The following PDXDC1 variants were observed in gnomAD, a reference collection of about 807,000 sequenced individuals.
PDXDC1 encodes the protein pyridoxal-dependent decarboxylase domain-containing protein 1.
In PDXDC1, 42 loss-of-function variants were observed where a neutral mutation model predicts 100.1. The ratio of observed to expected loss-of-function variants is 0.42; its 90% CI spans 0.33 to 0.54. The LOEUF (loss-of-function observed/expected upper bound fraction) is 0.54, where lower values mean the gene tolerates loss of function less well. PDXDC1 is among the 20% of genes least tolerant of loss of function. The pLI is 0.10. For synonymous variants in PDXDC1, 260 were observed against 371.7 expected (o/e 0.70, Z 3.46); for missense variants, 636 against 979.2 (o/e 0.65, Z 4.68).
In PDXDC1 at chr16:14,975,127, T is replaced by A; in HGVS notation, c.-73T>A. On this transcript the variant is annotated 5_prime_UTR_variant, in exon 1 of 23. Coordinates refer to ENST00000396410, the MANE Select transcript of PDXDC1 (RefSeq NM_015027.4). ...GCGGGGGACGTCAGCGCTGCCAGCG[T>A]GGAAGGAGCTGCGGGGCGCGGGAGG... The A allele has an allele frequency of 6.8e-7, 1 of 1,470,426 alleles. No homozygotes were observed. The highest frequency in any genetic ancestry group is 8.9e-7 in the Non-Finnish European group (1 of 1,121,200). The allele number at this position is 1,470,426 out of a possible 1,614,324, so 91.1% of individuals were successfully genotyped here.
At chr16:15,085,242 T>C (rs556523352) in intron 16 of PDXDC1, among the ~76,000 whole-genome samples, 7 of 152,340 alleles carry the variant, frequency 4.6e-5, no homozygotes, top group Admixed American at 6.5e-5. Context: ...ATATCAATGG[T>C]AAATATAACA....
intron 8 of PDXDC1, among the ~76,000 whole-genome samples, chr16:15,013,486 T>A (rs1446243950): frequency 1.3e-5 from 2 of 152,226 alleles, no homozygotes; most frequent in Admixed American, 6.5e-5. Flanking sequence ...ATGGAAGTAT[T>A]CTGAATCTTG....
chr16:15,083,419 A>C, intron 16 of PDXDC1: 6 of 1,547,218 alleles, frequency 3.9e-6, no homozygotes, highest in East Asian at 2.3e-5. Flanking sequence ...AAGAAAAAGA[A>C]AGACTGGAAA....
At chr16:15,001,208 G>T (rs1194421329) in intron 3 of PDXDC1, among the ~76,000 whole-genome samples, 1 of 152,210 alleles carries the variant, frequency 6.6e-6, no homozygotes, top group East Asian at 1.9e-4. Flanking sequence ...TAAAAAAACG[G>T]CTGGGCGTGG....
chr16:15,072,899 T>G, intron 16 of PDXDC1: 1 of 1,595,786 alleles, frequency 6.3e-7, no homozygotes, highest in Admixed American at 1.8e-5. Flanking sequence ...GGGAAAATTT[T>G]TGGGCAAAAA....
chr16:15,042,185 CTTTT>C (rs34790085), downstream of PDXDC1, among the ~76,000 whole-genome samples: 6 of 135,566 alleles, frequency 4.4e-5, no homozygotes, highest in Admixed American at 7.6e-5. Context: ...AATTTTATAT[CTTTT>C]TTTTTTTTTT....
chr16:15,101,936 C>T (rs1164514622), intron 16 of PDXDC1, among the ~76,000 whole-genome samples: 3 of 152,138 alleles, frequency 2.0e-5, no homozygotes, highest in Admixed American at 1.3e-4. Flanking sequence ...GCAACCTCCA[C>T]CTCCTGGGTT....
intron 16 of PDXDC1, chr16:15,080,243 T>C: frequency 9.0e-7 from 1 of 1,106,442 alleles, no homozygotes; most frequent in Non-Finnish European, 1.2e-6. Flanking sequence ...ACTATACTGT[T>C]TCTACATGTA....
chr16:15,092,281 G>A (rs555138160), intron 16 of PDXDC1, among the ~76,000 whole-genome samples: 1 of 152,204 alleles, frequency 6.6e-6, no homozygotes, highest in African/African-American at 2.4e-5. Context: ...TGAAACCTCA[G>A]TAAAGACATT....
chr16:15,021,166 T>C (rs5029894), intron 12 of PDXDC1, among the ~76,000 whole-genome samples: 4,876 of 145,498 alleles, frequency 0.034, 27 homozygotes, highest in African/African-American at 0.066. Flanking sequence ...CACTTAAACC[T>C]CAGAGTTCAA....
intron 16 of PDXDC1, chr16:15,094,369 T>C: frequency 1.3e-6 from 1 of 790,440 alleles, no homozygotes; most frequent in Non-Finnish European, 2.1e-6. Flanking sequence ...GGGCGTATGC[T>C]CTCGGCGGGC....
chr16:15,055,725 G>T (rs1007790657), intron 16 of PDXDC1: 6 of 387,384 alleles, frequency 1.5e-5, no homozygotes, highest in African/African-American at 1.3e-4. Flanking sequence ...TCTAAAGAAG[G>T]CAAAAACTCC....
rs779272355 is a variant in PDXDC1, at chr16:15,034,309, G to A, written c.1836G>A (p.Val612=). 1 of 1,613,128 alleles carries A rather than the reference G, an allele frequency of 6.2e-7. No homozygotes were observed. The highest frequency in any genetic ancestry group is 1.7e-5 in the Admixed American group (1 of 59,992). ...AGCTTCTGGAAAACATGACAGAAGT[G>A]GTTCGGAAAGGCATTCAGGAAGCTC... is the stretch of plus-strand genomic sequence containing the variant. ...NSRLLENMTE[V]VRKGIQEAQV... Residue 612 remains valine, a synonymous_variant, in exon 20 of 23, where the codon GTG becomes GTA. Coordinates refer to ENST00000396410, the MANE Select transcript of PDXDC1 (RefSeq NM_015027.4).
chr16:15,032,168 G>A, intron 17 of PDXDC1: 1 of 512,344 alleles, frequency 2.0e-6, no homozygotes, highest in Non-Finnish European at 3.5e-6. Flanking sequence ...GATGCCAACA[G>A]GTATATATCA....
intron 13 of PDXDC1, among the ~76,000 whole-genome samples, chr16:15,023,067 C>T (rs1030471696): frequency 6.6e-6 from 1 of 152,248 alleles, no homozygotes; most frequent in Non-Finnish European, 1.5e-5. Context: ...TTCAGCTGCC[C>T]AAGGCCTTGG....
intron 16 of PDXDC1, among the ~76,000 whole-genome samples, chr16:15,068,645 C>A (rs1051926770): frequency 6.6e-6 from 1 of 152,194 alleles, no homozygotes; most frequent in South Asian, 2.1e-4. Flanking sequence ...GGCAACAAAA[C>A]AAAACAGCAA....
intron 16 of PDXDC1, chr16:15,125,781 A>C (rs2047680677): frequency 6.8e-7 from 1 of 1,479,742 alleles, no homozygotes; most frequent in South Asian, 1.1e-5. Flanking sequence ...GCTGCCCGGC[A>C]GGTGTGGGGC....
intron 5 of PDXDC1, 30 bp downstream of exon 5, chr16:15,004,363 CT>C (rs563744489): frequency 1.3e-3 from 2,104 of 1,611,504 alleles, no homozygotes; most frequent in Middle Eastern, 5.8e-3. Context: ...CCAGTGAAGA[CT>C]TTTATGAGTC....
At chr16:15,039,991 G>GC (rs1462033416), downstream of PDXDC1, 3 of 1,605,552 alleles carry the variant, frequency 1.9e-6, no homozygotes, top group Non-Finnish European at 2.6e-6. Flanking sequence ...TAAAGTTCGC[G>GC]CAGCACGAAG....
Sources: allele counts gnomAD v4.1 joint callset (sites outside exome capture counted in the v4.1 genomes callset), GRCh38; gene constraint gnomAD v4.1.1; transcripts MANE v1.5; gene names NCBI Gene and HGNC (gene_info 2026-07-23, HGNC 2026-07-21).